Variants in SAMD12 observed in about 807,000 individuals in gnomAD.
SAMD12 encodes the protein sterile alpha motif domain containing 12.
SAMD12 carries 9 observed loss-of-function variants against 15.0 expected under a neutral mutation model. That is an observed-to-expected ratio of 0.60 (90% CI 0.36 to 1.05). The LOEUF is 1.05. Ranked by LOEUF, SAMD12 falls within the 50% of genes least tolerant of loss-of-function variation. SAMD12 has a pLI of 0.01. For synonymous variants in SAMD12, 86 were observed against 90.1 expected (o/e 0.96, Z 0.25); for missense variants, 230 against 234.2 (o/e 0.98, Z 0.12).
chr8:118,272,194 T>C (rs1563724815), intron 4 of SAMD12, among the ~76,000 whole-genome samples: 1 of 152,222 alleles, frequency 6.6e-6, no homozygotes, highest in South Asian at 2.1e-4. Context: ...ATTCTTGATC[T>C]CTGTGTACCC....
intron 2 of SAMD12, among the ~76,000 whole-genome samples, chr8:118,538,615 T>G (rs1167687745): frequency 6.6e-6 from 1 of 152,180 alleles, no homozygotes; most frequent in African/African-American, 2.4e-5. Context: ...CCCCACCACA[T>G]GGGCACCTCA....
intron 4 of SAMD12, among the ~76,000 whole-genome samples, chr8:118,308,244 G>T (rs1202098410): frequency 6.6e-6 from 1 of 152,092 alleles, no homozygotes; most frequent in Non-Finnish European, 1.5e-5. Context: ...GTTTGGCTCT[G>T]AAGTCTTCCT....
intron 4 of SAMD12, among the ~76,000 whole-genome samples, chr8:118,270,437 A>G (rs1813327992): frequency 6.6e-6 from 1 of 152,162 alleles, no homozygotes; most frequent in African/African-American, 2.4e-5. Flanking sequence ...AATAGACTTT[A>G]GTACCAGCAA....
At chr8:118,159,427 T>C in the SAMD12 span, among the ~76,000 whole-genome samples, 46,274 of 152,012 alleles carry the variant, frequency 0.3, 7,023 homozygotes, top group African/African-American at 0.34. Context: ...CCACTCTTTG[T>C]CTGGTTTGCC....
At chr8:118,337,018 G>C (rs1475343974) in intron 4 of SAMD12, among the ~76,000 whole-genome samples, 6 of 152,136 alleles carry the variant, frequency 3.9e-5, no homozygotes, top group African/African-American at 1.4e-4. Context: ...TAGTGGAATG[G>C]GAGAAGGGGG....
At chr8:118,245,308 A>G (rs1812660526) in intron 4 of SAMD12, among the ~76,000 whole-genome samples, 1 of 152,176 alleles carries the variant, frequency 6.6e-6, no homozygotes, top group Non-Finnish European at 1.5e-5. Context: ...CTCCAGCAAC[A>G]GTGAACTTAT....
the SAMD12 span, among the ~76,000 whole-genome samples, chr8:118,154,759 G>A: frequency 6.6e-6 from 1 of 152,102 alleles, no homozygotes; most frequent in Admixed American, 6.5e-5. Flanking sequence ...TAGAAAATTA[G>A]GAATAATAAT....
intron 3 of SAMD12, among the ~76,000 whole-genome samples, chr8:118,409,164 G>A (rs1002016177): frequency 2.6e-5 from 4 of 152,106 alleles, no homozygotes; most frequent in African/African-American, 7.2e-5. Context: ...AGGAAAAACT[G>A]TTAATCTTCA....
At chr8:118,600,584 T>C (rs143609245) in intron 1 of SAMD12, among the ~76,000 whole-genome samples, 80 of 152,298 alleles carry the variant, frequency 5.3e-4, no homozygotes, top group African/African-American at 1.9e-3. Context: ...TTGCACTATA[T>C]TCCCCTCTTC....
chr8:118,256,946 T>C (rs1292154940), intron 4 of SAMD12, among the ~76,000 whole-genome samples: 1 of 152,076 alleles, frequency 6.6e-6, no homozygotes, highest in African/African-American at 2.4e-5. Flanking sequence ...TTTGCTAAAC[T>C]TCTGCATTCC....
At chr8:118,476,935 G>A (rs1468578524) in intron 2 of SAMD12, among the ~76,000 whole-genome samples, 1 of 152,054 alleles carries the variant, frequency 6.6e-6, no homozygotes, top group African/African-American at 2.4e-5. Context: ...CAGTCCTCCA[G>A]AGAGCCTATC....
chr8:118,158,166 T>C, the SAMD12 span, among the ~76,000 whole-genome samples: 2 of 152,198 alleles, frequency 1.3e-5, no homozygotes, highest in East Asian at 1.9e-4. Context: ...AGAAGGTACA[T>C]CTTGCATATT....
At chr8:118,210,250 C>A (rs1258499895) in intron 4 of SAMD12, among the ~76,000 whole-genome samples, 1 of 152,182 alleles carries the variant, frequency 6.6e-6, no homozygotes, top group Admixed American at 6.5e-5. Flanking sequence ...CTCGTAACAG[C>A]TTTGAAGTTG....
At chr8:118,389,187 A>C (rs1243340388) in intron 3 of SAMD12, among the ~76,000 whole-genome samples, 1 of 152,250 alleles carries the variant, frequency 6.6e-6, no homozygotes, top group Non-Finnish European at 1.5e-5. Context: ...ATTGGTTCTC[A>C]AAAAGTTAAT....
chr8:118,299,762 T>C (rs1586468684), intron 4 of SAMD12, among the ~76,000 whole-genome samples: 1 of 152,236 alleles, frequency 6.6e-6, no homozygotes, highest in South Asian at 2.1e-4. Context: ...TTAGCAAGAA[T>C]TGGCAAAAAT....
intron 4 of SAMD12, among the ~76,000 whole-genome samples, chr8:118,205,188 G>C (rs762343671): frequency 6.6e-6 from 1 of 152,212 alleles, no homozygotes; most frequent in Non-Finnish European, 1.5e-5. Flanking sequence ...GAACCATACC[G>C]TTGGCTCTCC....
intron 2 of SAMD12, among the ~76,000 whole-genome samples, chr8:118,574,143 G>A (rs1396621775): frequency 1.3e-5 from 2 of 152,302 alleles, no homozygotes; most frequent in Middle Eastern, 3.4e-3. Context: ...TGATCAAGGG[G>A]AGAACATTAT....
chr8:118,386,500 C>A (rs918472233), intron 3 of SAMD12, among the ~76,000 whole-genome samples: 2 of 152,196 alleles, frequency 1.3e-5, no homozygotes, highest in Non-Finnish European at 2.9e-5. Context: ...GTCCTTGTAA[C>A]ATTTTCAGGT....
At chr8:118,530,416 T>C (rs1051899006) in intron 2 of SAMD12, among the ~76,000 whole-genome samples, 24 of 152,224 alleles carry the variant, frequency 1.6e-4, no homozygotes, top group African/African-American at 5.8e-4. Flanking sequence ...TTTCCTTCTT[T>C]GTGTCCATGT....
Sources: gnomAD v4.1 joint callset for allele counts (sites outside exome capture counted in the v4.1 genomes callset) on GRCh38, gnomAD v4.1.1 for gene constraint, MANE v1.5 for transcripts, NCBI Gene and HGNC (gene_info 2026-07-23, HGNC 2026-07-21) for gene names.